The following UBXN1 variants were observed in gnomAD, a reference collection of about 807,000 sequenced individuals.
The protein encoded by UBXN1 is UBX domain protein 1, also known as UBX domain-containing protein 1.
In UBXN1, 21 loss-of-function variants were observed where a neutral mutation model predicts 42.0. The ratio of observed to expected loss-of-function variants is 0.50; its 90% CI spans 0.35 to 0.72. The LOEUF (loss-of-function observed/expected upper bound fraction) is 0.72, where lower values mean the gene tolerates loss of function less well. UBXN1 is among the 30% of genes least tolerant of loss of function. The pLI is 0.00. For synonymous variants in UBXN1, 172 were observed against 142.6 expected (o/e 1.21, Z -1.47); for missense variants, 374 against 382.2 (o/e 0.98, Z 0.18).
At chr11:62,678,295 G>A (rs750203711) in intron 4 of UBXN1, 44 bp downstream of exon 4, 8 of 1,612,852 alleles carry the variant, frequency 5.0e-6, no homozygotes, top group Non-Finnish European at 6.8e-6. Context: ...ACTGGGGAGA[G>A]ATGGAAGACG....
chr11:62,677,297 A>T, intron 7 of UBXN1: 2 of 621,900 alleles, frequency 3.2e-6, no homozygotes, highest in South Asian at 2.0e-5. Flanking sequence ...ATGAACAAGT[A>T]AAAGGGTAAC....
Position 62,678,131 on chromosome 11 carries a change from G to C in UBXN1, c.291-13C>G, listed in dbSNP as rs1298339901. On this transcript the variant is annotated splice_polypyrimidine_tract_variant and intron_variant, in intron 4 of 8. Transcript: ENST00000301935. ...CAGCTCCAACATCCTGTGTTGCCGA[G>C]GGAAAACAGTTCAAGAGAAATGGAC... 1.9e-6 allele frequency: 3 copies of C among 1,612,882 alleles called. No homozygotes were observed. The highest frequency in any genetic ancestry group is 3.3e-5 in the Admixed American group (2 of 59,874).
intron 8 of UBXN1, 73 bp from the exon 9 acceptor site, chr11:62,676,712 C>G (rs1340405438): frequency 3.7e-6 from 6 of 1,614,084 alleles, no homozygotes; most frequent in Non-Finnish European, 5.1e-6. Flanking sequence ...TGGCCTTGCA[C>G]CATGTTCACA....
In UBXN1 at chr11:62,678,051, G is replaced by C; in HGVS notation, c.358C>G (p.Arg120Gly). The C allele has an allele frequency of 1.2e-6, 2 of 1,614,062 alleles. No individual in the cohort carries two copies. Among genetic ancestry groups the C allele is most frequent in the Non-Finnish European group, 1.7e-6 (2 of 1,180,034 alleles). ...EEREEREALE[R>G]ERQRRRQGQE... ...CCTTGTCTCCTGCGCTGCCGTTCCC[G>C]TTCCAATGCCTCCCGTTCCTCTCTT... Residue 120 changes from arginine (R) to glycine (G), a missense_variant, in exon 5 of 9, where the codon CGG becomes GGG. Physicochemically the swap from Arg to Gly is moderately radical, Grantham distance 125. Transcript: ENST00000301935.
chr11:62,678,870 T>C lies in UBXN1; in HGVS notation c.54A>G (p.Gly18=). The change falls in exon 1 of 9, where the codon GGA becomes GGG. Residue 18 remains glycine (G), a synonymous_variant. Transcript: ENST00000301935. ...GGGTTGGGGAACTCCCTTACGCGCG[T>C]CCCCTGGGGAAGCCCATCTCGATGA... is the stretch of plus-strand genomic sequence containing the variant. The part of the protein sequence containing the change: ...ESLIEMGFPR[G]RAEKALALTG... The C allele has an allele frequency of 6.2e-7, 1 of 1,604,378 alleles. No homozygotes were observed. Among genetic ancestry groups the C allele is most frequent in the Non-Finnish European group, 8.5e-7 (1 of 1,177,328 alleles).
In UBXN1 at chr11:62,678,129, G is replaced by A. The variant is rs1277509313; in HGVS notation, c.291-11C>T. The A allele has an allele frequency of 3.1e-6, 5 of 1,612,910 alleles. No individual in the cohort carries two copies. In the African/African-American group the frequency reaches 4.0e-5, roughly 13 times the overall value. ...ACCAGCTCCAACATCCTGTGTTGCC[G>A]AGGGAAAACAGTTCAAGAGAAATGG... On this transcript the variant is annotated splice_polypyrimidine_tract_variant and intron_variant, in intron 4 of 8. Coordinates refer to ENST00000301935, the MANE Select transcript of UBXN1 (RefSeq NM_001286077.2).
At position 62,679,049 on chromosome 11, in the gene UBXN1, A is replaced by G. The variant is rs1223605957; in HGVS notation, c.-126T>C. 1.9e-6 allele frequency: 2 copies of G among 1,038,164 alleles called. No homozygotes were observed. The highest frequency in any genetic ancestry group is 2.6e-5 in the Admixed American group (1 of 37,904). 64.3% of individuals were successfully genotyped at this position (1,038,164 alleles called of 1,614,324 possible). A position where few individuals can be genotyped will look rare whatever the true frequency, so the allele number is the denominator to read the frequency against. ...CGCTCGCTCTCTCACCCGGCTCTATAGCAGCCGGGAACACCGACGAGAAGA... is the reference window on the plus strand; with the variant it reads ...CGCTCGCTCTCTCACCCGGCTCTATGGCAGCCGGGAACACCGACGAGAAGA... On this transcript the variant is annotated 5_prime_UTR_variant, in exon 1 of 9. Coordinates refer to ENST00000301935, the MANE Select transcript of UBXN1 (RefSeq NM_001286077.2).
Position 62,676,862 on chromosome 11 carries a change from G to C in UBXN1, c.795C>G (p.Pro265=). The C allele has an allele frequency of 6.2e-7, 1 of 1,614,082 alleles. No individual in the cohort carries two copies. The highest frequency in any genetic ancestry group is 8.5e-7 in the Non-Finnish European group (1 of 1,180,030). The part of the protein sequence containing the change: ...QDPVQLLSGF[P]RRAFSEADME... ...TGTCAGCTTCTGAGAAGGCCCGTCT[G>C]GGGAAGCCACTGAGCAATTGCACAG... Residue 265 remains proline (P), a synonymous_variant, in exon 8 of 9, where the codon CCC becomes CCG. Transcript: ENST00000301935.
In UBXN1 at chr11:62,677,722, T is replaced by C. The variant is rs764834360; in HGVS notation, c.534+59A>G. 6.8e-6 allele frequency: 11 copies of C among 1,613,378 alleles called. No individual in the cohort carries two copies. In the Admixed American group the frequency reaches 1.3e-4, roughly 20 times the overall value. On this transcript the variant is annotated intron_variant, in intron 6 of 8. Coordinates refer to ENST00000301935, the MANE Select transcript of UBXN1 (RefSeq NM_001286077.2). Reference sequence around the variant, plus strand: ...TAAGCCCATGCTTTCCCTCTGAAGCTGGAAAAGATTTACTAACCTGCCCAC... The same window carrying C: ...TAAGCCCATGCTTTCCCTCTGAAGCCGGAAAAGATTTACTAACCTGCCCAC...
chr11:62,678,369 C>T lies in UBXN1; in HGVS notation c.260G>A (p.Ser87Asn). ...SAAGEGKPAL[S>N]EEERQEQTKR... ...AGTTTGTTCCTGTCTTTCCTCTTCA[C>T]TCAAAGCGGGTTTGCCTTCTCCGGC... Residue 87 changes from serine (S) to asparagine (N), a missense_variant, in exon 4 of 9, where the codon AGT becomes AAT. Transcript: ENST00000301935. 6.2e-7 allele frequency: 1 copy of T among 1,614,208 alleles called. No individual in the cohort carries two copies. Among genetic ancestry groups the T allele is most frequent in the Non-Finnish European group, 8.5e-7 (1 of 1,180,042 alleles).
In UBXN1 at chr11:62,679,062, A is replaced by C. The variant is rs937597196; in HGVS notation, c.-139T>G. On this transcript the variant is annotated 5_prime_UTR_variant, in exon 1 of 9. Transcript: ENST00000301935. ...ACCCGGCTCTATAGCAGCCGGGAACACCGACGAGAAGAAAGCCGAGGGGAA... is the reference window on the plus strand; with the variant it reads ...ACCCGGCTCTATAGCAGCCGGGAACCCCGACGAGAAGAAAGCCGAGGGGAA... The C allele has an allele frequency of 2.2e-6, 2 of 918,528 alleles. No homozygotes were observed. The highest frequency in any genetic ancestry group is 1.7e-5 in the African/African-American group (1 of 59,972). The allele number at this position is 918,528 out of a possible 1,614,324, so 56.9% of individuals were successfully genotyped here.
At chr11:62,677,136 A>C in intron 7 of UBXN1, 131 bp from the exon 8 acceptor site, 1 of 1,051,016 alleles carries the variant, frequency 9.5e-7, no homozygotes, top group Non-Finnish European at 1.3e-6. Flanking sequence ...TAAAGCACCA[A>C]ATGAACAGCC....
Position 62,677,560 on chromosome 11 carries a change from C to G in UBXN1, c.609G>C (p.Gln203His). 6.2e-7 allele frequency: 1 copy of G among 1,614,162 alleles called. No homozygotes were observed. Among genetic ancestry groups the G allele is most frequent in the Non-Finnish European group, 8.5e-7 (1 of 1,180,018 alleles). Residue 203 changes from glutamine (Q) to histidine (H), a missense_variant, in exon 7 of 9, where the codon CAG becomes CAC. By Grantham distance (24) the Gln-to-His change is conservative (BLOSUM62 0). Coordinates refer to ENST00000301935, the MANE Select transcript of UBXN1 (RefSeq NM_001286077.2). ...EPGPVPSSPS[Q>H]EPPTKREYDQ... ...CATACTCCCGCTTGGTGGGAGGCTC[C>G]TGGCTGGGAGAAGAGGGAACAGGAC...
Position 62,678,949 on chromosome 11 carries a change from G to A in UBXN1, c.-26C>T, listed in dbSNP as rs1455958719. The A allele has an allele frequency of 6.4e-7, 1 of 1,562,602 alleles. No homozygotes were observed. Among genetic ancestry groups the A allele is most frequent in the South Asian group, 1.2e-5 (1 of 85,780 alleles). On this transcript the variant is annotated 5_prime_UTR_variant, in exon 1 of 9. Transcript: ENST00000301935. ...GGCGCCGACACCGCGGCTTCCGCGG[G>A]GACCTGGTGTGTGACGAGAAGGAGG...
chr11:62,678,907 GC>G lies in UBXN1; in HGVS notation c.16del (p.Ala6LeufsTer34). MAELTALESLIEMGFP... is the reference protein window; with the variant it reads MAELTXLESLIEMGFP... ...GCCCATCTCGATGAGACTCTCAAGA[GC>G]CGTCAGCTCCGCCATGGCGCCGACA... On this transcript the variant is annotated frameshift_variant, in exon 1 of 9. Coordinates refer to ENST00000301935, the MANE Select transcript of UBXN1 (RefSeq NM_001286077.2). LOFTEE classifies it high-confidence loss of function. 6.3e-7 allele frequency: 1 copy of G among 1,595,544 alleles called. No individual in the cohort carries two copies. The highest frequency in any genetic ancestry group is 8.5e-7 in the Non-Finnish European group (1 of 1,174,014).
At position 62,677,977 on chromosome 11, in the gene UBXN1, G is replaced by A. The variant is rs1565135332; in HGVS notation, c.432C>T (p.Arg144=). The A allele has an allele frequency of 6.2e-7, 1 of 1,614,100 alleles. No homozygotes were observed. Among genetic ancestry groups the A allele is most frequent in the East Asian group, 2.2e-5 (1 of 44,878 alleles). ...ARQRLQEDEM[R]RAAEERRREK... The stretch of plus-strand genomic sequence containing the variant: ...CCCTCCGCCTCTCCTCAGCAGCCCG[G>A]CGCATCTCATCTTCCTGTAGCCGCT... Residue 144 remains arginine (R), a synonymous_variant, in exon 5 of 9, where the codon CGC becomes CGT. Transcript: ENST00000301935.
rs1945021682 is a variant in UBXN1 at position 62,676,567 on chromosome 11, G to A, written c.*23C>T. 1.3e-6 allele frequency: 2 copies of A among 1,579,208 alleles called. No homozygotes were observed. Among genetic ancestry groups the A allele is most frequent in the African/African-American group, 1.4e-5 (1 of 74,064 alleles). ...CTTTATCAAAGATGAAGGGGTCACAGAGGGACAATGGGACAAAGGCCCTCA... is the reference window on the plus strand; with the variant it reads ...CTTTATCAAAGATGAAGGGGTCACAAAGGGACAATGGGACAAAGGCCCTCA... On this transcript the variant is annotated 3_prime_UTR_variant, in exon 9 of 9. Transcript: ENST00000301935.
At position 62,678,085 on chromosome 11, in the gene UBXN1, C is replaced by T; in HGVS notation, c.324G>A (p.Glu108=). 2 of 1,614,176 alleles carry T rather than the reference C, an allele frequency of 1.2e-6. No homozygotes were observed. Among genetic ancestry groups the T allele is most frequent in the Non-Finnish European group, 1.7e-6 (2 of 1,180,038 alleles). ...CCTCCCGTTCCTCTCTTTCTTCACGCTCCCGCTGCTTCTGGGCCACCAGCT... is the reference window on the plus strand; with the variant it reads ...CCTCCCGTTCCTCTCTTTCTTCACGTTCCCGCTGCTTCTGGGCCACCAGCT... ...MLELVAQKQR[E]REEREEREAL... is the part of the protein sequence containing the mutation. The change falls in exon 5 of 9, where the codon GAG becomes GAA. Residue 108 remains glutamate (E), a synonymous_variant. Transcript: ENST00000301935.
In UBXN1 at chr11:62,677,934, C is replaced by T. The variant is rs200999814; in HGVS notation, c.475G>A (p.Ala159Thr). 22 of 1,613,796 alleles carry T rather than the reference C, an allele frequency of 1.4e-5. No individual in the cohort carries two copies. The highest frequency in any genetic ancestry group is 1.8e-5 in the Non-Finnish European group (21 of 1,179,764). ...CATTTCCCCTGCCCAGACCTGGCTG[C>T]TAACTCCTCGGCCTTTTCCCTCCGC... Reference protein sequence around the residue: ...ERRREKAEELAARQRVREKIE... With the variant: ...ERRREKAEELTARQRVREKIE... Residue 159 changes from alanine to threonine, a missense_variant, in exon 5 of 9, where the codon GCA (alanine) becomes ACA (threonine). Physicochemically the swap from Ala to Thr is moderately conservative, Grantham distance 58. Transcript: ENST00000301935.
Sources: allele counts gnomAD v4.1 joint callset, GRCh38; gene constraint gnomAD v4.1.1; transcripts MANE v1.5; gene names NCBI Gene and HGNC (gene_info 2026-07-23, HGNC 2026-07-21).